SGCZ: variants seen among roughly 807,000 people sequenced by gnomAD.
SGCZ encodes zeta-sarcoglycan.
In SGCZ, 40 loss-of-function variants were observed where a neutral mutation model predicts 41.3. The observed-to-expected ratio is 0.97, with a 90% CI of 0.75 to 1.26. SGCZ has a LOEUF of 1.26. Among genes scored for constraint, SGCZ ranks in the 50% most tolerant of loss-of-function variants. The pLI is 0.00. For synonymous variants in SGCZ, 206 were observed against 137.5 expected, an observed-to-expected ratio of 1.50 and a Z score of -3.49; for missense variants, 552 against 369.8, an observed-to-expected ratio of 1.49 and a Z score of -4.04.
chr8:14,215,714 TGCTC>T (rs1349677083), intron 4 of SGCZ, among the ~76,000 whole-genome samples: 1 of 152,132 alleles, frequency 6.6e-6, no homozygotes, highest in African/African-American at 2.4e-5. Context: ...AATAAGTGTA[TGCTC>T]ACAAATTTGT....
At chr8:14,430,065 T>A (rs1255781071) in intron 2 of SGCZ, among the ~76,000 whole-genome samples, 1 of 152,130 alleles carries the variant, frequency 6.6e-6, no homozygotes, top group East Asian at 1.9e-4. Flanking sequence ...TCGGTTAATC[T>A]GGCCAGTGGT....
At chr8:14,914,668 A>T (rs1165949922) in intron 1 of SGCZ, among the ~76,000 whole-genome samples, 1 of 152,232 alleles carries the variant, frequency 6.6e-6, no homozygotes. Context: ...CACTTAAAAT[A>T]ATTATAAAAT....
At chr8:14,196,633 T>C (rs1805275626) in intron 4 of SGCZ, among the ~76,000 whole-genome samples, 1 of 152,174 alleles carries the variant, frequency 6.6e-6, no homozygotes, top group Admixed American at 6.5e-5. Context: ...GAAAATGATC[T>C]ATATGTTCAT....
At chr8:14,519,567 C>T (rs1486078015) in intron 2 of SGCZ, among the ~76,000 whole-genome samples, 2 of 151,972 alleles carry the variant, frequency 1.3e-5, no homozygotes, top group Non-Finnish European at 1.5e-5. Flanking sequence ...AAATCTTCTA[C>T]GGTATTAGAA....
intron 1 of SGCZ, among the ~76,000 whole-genome samples, chr8:14,875,113 G>C (rs1804301184): frequency 6.6e-6 from 1 of 152,078 alleles, no homozygotes; most frequent in Non-Finnish European, 1.5e-5. Context: ...CTGGAGGCTG[G>C]GAAATTCAAG....
intron 2 of SGCZ, among the ~76,000 whole-genome samples, chr8:14,329,468 AT>A (rs1802238091): frequency 6.6e-6 from 1 of 152,124 alleles, no homozygotes; most frequent in Non-Finnish European, 1.5e-5. Flanking sequence ...AACTTCTCTT[AT>A]TTTTATTTCT....
chr8:15,229,209 G>T (rs1186035153), intron 1 of SGCZ, among the ~76,000 whole-genome samples: 1 of 151,934 alleles, frequency 6.6e-6, no homozygotes, highest in East Asian at 1.9e-4. Flanking sequence ...AAAAAAAAAT[G>T]CATAGTTATA....
intron 1 of SGCZ, among the ~76,000 whole-genome samples, chr8:14,825,658 G>C (rs937037749): frequency 6.6e-6 from 1 of 152,082 alleles, no homozygotes; most frequent in South Asian, 2.1e-4. Flanking sequence ...AACGGAACTT[G>C]CTTATCTTAC....
At chr8:14,497,953 T>A (rs992420219) in intron 2 of SGCZ, among the ~76,000 whole-genome samples, 5 of 152,192 alleles carry the variant, frequency 3.3e-5, no homozygotes, top group African/African-American at 9.6e-5. Flanking sequence ...CCATAAAGGT[T>A]GTTTTTCCTC....
chr8:14,384,492 T>C (rs760659953), intron 2 of SGCZ, among the ~76,000 whole-genome samples: 11 of 152,232 alleles, frequency 7.2e-5, no homozygotes, highest in Non-Finnish European at 1.6e-4. Flanking sequence ...TTGGTTGTTA[T>C]AGGGAAATAT....
chr8:15,047,702 T>G (rs2130988162), intron 1 of SGCZ, among the ~76,000 whole-genome samples: 1 of 152,194 alleles, frequency 6.6e-6, no homozygotes, highest in South Asian at 2.1e-4. Flanking sequence ...CATTCTATTA[T>G]TATTGTCACT....
rs148392965 is a variant in SGCZ at position 15,220,471 on chromosome 8, T to G, written c.39+17114A>C. Among the ~76,000 whole-genome samples, 130 of 152,234 alleles carry G rather than the reference T, an allele frequency of 8.5e-4. 1 individual carries two copies. The East Asian group carries it at 0.024, about 29-fold the overall frequency. Reference sequence around the variant, plus strand: ...CCTGCCTTGCCCCATTTCTAACTGCTTGGGCAATTCTGATTAAAATCAGAG... The same window carrying G: ...CCTGCCTTGCCCCATTTCTAACTGCGTGGGCAATTCTGATTAAAATCAGAG... On this transcript the variant is annotated intron_variant, in intron 1 of 7. Coordinates refer to ENST00000382080, the MANE Select transcript of SGCZ (RefSeq NM_139167.4).
chr8:14,097,665 T>A (rs1480559966), intron 7 of SGCZ, among the ~76,000 whole-genome samples: 1 of 152,196 alleles, frequency 6.6e-6, no homozygotes, highest in African/African-American at 2.4e-5. Context: ...GTCTTGTTGA[T>A]CTGACTAATA....
intron 1 of SGCZ, among the ~76,000 whole-genome samples, chr8:15,167,780 T>C (rs1403671581): frequency 6.6e-6 from 1 of 152,224 alleles, no homozygotes; most frequent in Non-Finnish European, 1.5e-5. Flanking sequence ...TTTGCCTATA[T>C]TTTAGGCTAA....
intron 2 of SGCZ, among the ~76,000 whole-genome samples, chr8:14,328,504 A>G (rs1305879416): frequency 6.6e-6 from 1 of 152,204 alleles, no homozygotes; most frequent in Non-Finnish European, 1.5e-5. Context: ...TCTATGATAA[A>G]GATTACATGA....
chr8:14,855,535 A>G (rs1487710582), intron 1 of SGCZ, among the ~76,000 whole-genome samples: 2 of 152,182 alleles, frequency 1.3e-5, no homozygotes, highest in Admixed American at 1.3e-4. Flanking sequence ...CTTGACTAGA[A>G]GGTCAATTCT....
chr8:14,626,041 T>G (rs1806443185), intron 1 of SGCZ, among the ~76,000 whole-genome samples: 1 of 152,198 alleles, frequency 6.6e-6, no homozygotes, highest in African/African-American at 2.4e-5. Context: ...ATATGAGGAA[T>G]AGTGGCTTTT....
intron 3 of SGCZ, among the ~76,000 whole-genome samples, chr8:14,241,543 T>TG (rs1181173942): frequency 1.3e-4 from 2 of 15,472 alleles, no homozygotes; most frequent in Non-Finnish European, 2.1e-4. Flanking sequence ...CATAAATATC[T>TG]TTTTTTTTTG....
intron 2 of SGCZ, among the ~76,000 whole-genome samples, chr8:14,397,169 C>A (rs1798943102): frequency 6.6e-6 from 1 of 152,088 alleles, no homozygotes; most frequent in Non-Finnish European, 1.5e-5. Context: ...ACTGACTTTT[C>A]ACTTCACCTT....
Sources: allele counts gnomAD v4.1 joint callset (sites outside exome capture counted in the v4.1 genomes callset), GRCh38; gene constraint gnomAD v4.1.1; transcripts MANE v1.5; gene names NCBI Gene and HGNC (gene_info 2026-07-23, HGNC 2026-07-21).